Variants in ARFIP1 observed in about 807,000 individuals in gnomAD.
ARFIP1 encodes arfaptin-1.
ARFIP1 carries 24 observed loss-of-function variants against 42.5 expected under a neutral mutation model. The ratio of observed to expected loss-of-function variants is 0.57; its 90% CI spans 0.41 to 0.80. ARFIP1 has a LOEUF of 0.80. ARFIP1 is among the 30% of genes least tolerant of loss of function. ARFIP1 has a pLI of 0.00. For missense variants in ARFIP1, 354 were observed against 434.0 expected (o/e 0.82, Z 1.64); for synonymous variants, 141 against 153.7 (o/e 0.92, Z 0.61).
At chr4:152,831,482 C>CA (rs1731235483) in intron 2 of ARFIP1, among the ~76,000 whole-genome samples, 1 of 152,128 alleles carries the variant, frequency 6.6e-6, no homozygotes, top group Non-Finnish European at 1.5e-5. Flanking sequence ...TTCTACACAG[C>CA]AGAAAGCACA....
At chr4:152,792,927 C>T (rs1488845079) in intron 1 of ARFIP1, among the ~76,000 whole-genome samples, 1 of 152,114 alleles carries the variant, frequency 6.6e-6, no homozygotes, top group Non-Finnish European at 1.5e-5. Flanking sequence ...TTGGTTCTTA[C>T]ACTCTTTTGT....
intron 2 of ARFIP1, among the ~76,000 whole-genome samples, chr4:152,856,236 T>C (rs963697999): frequency 4.6e-5 from 7 of 152,176 alleles, no homozygotes; most frequent in Non-Finnish European, 1.0e-4. Flanking sequence ...TTTCCAGAAA[T>C]TTACACAATA....
intron 2 of ARFIP1, among the ~76,000 whole-genome samples, chr4:152,861,411 C>T (rs1289187574): frequency 2.6e-5 from 4 of 152,022 alleles, no homozygotes; most frequent in Admixed American, 6.6e-5. Flanking sequence ...ATTTCTATGA[C>T]GTTGTATAAG....
rs61135783 is a variant in ARFIP1, at chr4:152,808,283, A to ATTTTTTTTTTTTTTTTTTTTTTTTTT, written c.-9-21333_-9-21308dup. Among the ~76,000 whole-genome samples the ATTTTTTTTTTTTTTTTTTTTTTTTTT allele has an allele frequency of 1.7e-3, 35 of 20,318 alleles. 4 individuals are homozygous for ATTTTTTTTTTTTTTTTTTTTTTTTTT. The highest frequency in any genetic ancestry group is 3.1e-3 in the South Asian group (2 of 648). 13.3% of individuals were successfully genotyped at this position (20,318 alleles called of 152,430 possible). A position where few individuals can be genotyped will look rare whatever the true frequency, so the allele number is the denominator to read the frequency against. On this transcript the variant is annotated intron_variant, in intron 1 of 8. Coordinates refer to ENST00000353617, the MANE Select transcript of ARFIP1 (RefSeq NM_001025595.3). Reference sequence around the variant, plus strand: ...GTGTGAGCCACCACGCCTGGCCTCCATTTTTTTTTTTTTTTTTTTTTTTTT... The same window carrying ATTTTTTTTTTTTTTTTTTTTTTTTTT: ...GTGTGAGCCACCACGCCTGGCCTCCATTTTTTTTTTTTTTTTTTTTTTTTTTTTTTTTTTTTTTTTTTTTTTTTTTT...
At chr4:152,872,012 ATTG>A (rs1734925621) in intron 4 of ARFIP1, among the ~76,000 whole-genome samples, 1 of 152,096 alleles carries the variant, frequency 6.6e-6, no homozygotes, top group Non-Finnish European at 1.5e-5. Context: ...GCAACATTCT[ATTG>A]TTGTTGTAGT....
At chr4:152,831,523 C>T (rs1437523728) in intron 2 of ARFIP1, among the ~76,000 whole-genome samples, 3 of 152,182 alleles carry the variant, frequency 2.0e-5, no homozygotes, top group Non-Finnish European at 4.4e-5. Flanking sequence ...AGAGAACTAC[C>T]GCTCAGATAA....
intron 1 of ARFIP1, among the ~76,000 whole-genome samples, chr4:152,829,316 T>C (rs1438504081): frequency 1.3e-5 from 2 of 152,220 alleles, no homozygotes; most frequent in Non-Finnish European, 2.9e-5. Flanking sequence ...CAAGCTTGGC[T>C]TTCTGTAATT....
chr4:152,805,868 T>G (rs1253600844), intron 1 of ARFIP1, among the ~76,000 whole-genome samples: 1 of 152,234 alleles, frequency 6.6e-6, no homozygotes, highest in Non-Finnish European at 1.5e-5. Context: ...ACAATCTGGC[T>G]TCAGATATTT....
chr4:152,860,983 T>A (rs1367926315), intron 2 of ARFIP1, among the ~76,000 whole-genome samples: 1 of 152,210 alleles, frequency 6.6e-6, no homozygotes, highest in Non-Finnish European at 1.5e-5. Context: ...TATTTTTAAT[T>A]TAATTGAACC....
intron 1 of ARFIP1, chr4:152,807,246 C>T (rs1387082308): frequency 2.7e-5 from 4 of 150,034 alleles, no homozygotes; most frequent in Non-Finnish European, 5.9e-5. Flanking sequence ...TACATGTCTA[C>T]AAGTAAGGAC....
At chr4:152,822,914 G>A (rs1160890111) in intron 1 of ARFIP1, among the ~76,000 whole-genome samples, 1 of 151,470 alleles carries the variant, frequency 6.6e-6, no homozygotes, top group Non-Finnish European at 1.5e-5. Context: ...CAAAAGCAGT[G>A]CTAACAAATG....
chr4:152,852,127 T>C (rs202179250), intron 2 of ARFIP1, among the ~76,000 whole-genome samples: 2 of 152,376 alleles, frequency 1.3e-5, no homozygotes, highest in East Asian at 3.9e-4. Context: ...CATTTTATTA[T>C]ACACTTGTTA....
intron 2 of ARFIP1, among the ~76,000 whole-genome samples, chr4:152,859,330 G>A (rs1239704779): frequency 6.6e-6 from 1 of 152,154 alleles, no homozygotes; most frequent in Non-Finnish European, 1.5e-5. Context: ...CCAAAGTGCT[G>A]GGATTACAGG....
At chr4:152,842,122 A>C (rs776455999) in intron 2 of ARFIP1, among the ~76,000 whole-genome samples, 6 of 152,104 alleles carry the variant, frequency 3.9e-5, no homozygotes, top group Non-Finnish European at 7.4e-5. Flanking sequence ...ACACCCAACC[A>C]ATCAGATAGT....
chr4:152,866,548 A>C (rs1217491523), intron 3 of ARFIP1, among the ~76,000 whole-genome samples: 11 of 94,060 alleles, frequency 1.2e-4, no homozygotes, highest in African/African-American at 1.4e-4. Context: ...GCGGGGGCTG[A>C]CCCCCACCTC....
intron 8 of ARFIP1, 134 bp from the exon 9 acceptor site, chr4:152,909,930 A>G (rs1183968077): frequency 1.7e-6 from 2 of 1,148,126 alleles, no homozygotes; most frequent in African/African-American, 3.1e-5. Flanking sequence ...GGTATGTGTG[A>G]AATACTTGGT....
At chr4:152,795,794 G>A (rs997736217) in intron 1 of ARFIP1, among the ~76,000 whole-genome samples, 4 of 104,266 alleles carry the variant, frequency 3.8e-5, no homozygotes, top group Non-Finnish European at 5.9e-5. Context: ...GTGAATTTGA[G>A]CGATTGTTAC....
At chr4:152,895,474 A>G (rs1454681153) in intron 8 of ARFIP1, among the ~76,000 whole-genome samples, 1 of 146,890 alleles carries the variant, frequency 6.8e-6, no homozygotes, top group Non-Finnish European at 1.5e-5. Flanking sequence ...GTAGTCTTGA[A>G]CTCCTGGCCA....
At chr4:152,839,225 A>G (rs980216545) in intron 2 of ARFIP1, among the ~76,000 whole-genome samples, 1 of 152,112 alleles carries the variant, frequency 6.6e-6, no homozygotes, top group African/African-American at 2.4e-5. Context: ...TCATCAAGGT[A>G]TCAGTCTGTA....
Sources: gnomAD v4.1 joint callset for allele counts (sites outside exome capture counted in the v4.1 genomes callset) on GRCh38, gnomAD v4.1.1 for gene constraint, MANE v1.5 for transcripts, NCBI Gene and HGNC (gene_info 2026-07-23, HGNC 2026-07-21) for gene names.